LIMCH1: variants seen among roughly 807,000 people sequenced by gnomAD.
The protein encoded by LIMCH1 is LIM and calponin homology domains 1.
Under a neutral mutation model 176.5 loss-of-function variants are expected in LIMCH1, and 113 were observed. The observed-to-expected ratio is 0.64, with a 90% CI of 0.55 to 0.75. The LOEUF (loss-of-function observed/expected upper bound fraction) is 0.75, where lower values mean the gene tolerates loss of function less well. LIMCH1 is among the 30% of genes least tolerant of loss of function. The pLI, the probability that LIMCH1 is intolerant of heterozygous loss-of-function variation, is 0.00. For missense variants in LIMCH1, 1,674 were observed against 1,814.9 expected (o/e 0.92, Z 1.41); for synonymous variants, 619 against 645.9 (o/e 0.96, Z 0.63).
chr4:41,359,665 G>A (rs1034842148), upstream of LIMCH1: 1 of 152,234 alleles, frequency 6.6e-6, no homozygotes, highest in Non-Finnish European at 1.5e-5. Context: ...CTGGGAGGTT[G>A]AGTGGGACAA....
Position 41,540,643 on chromosome 4 carries a change from G to T in LIMCH1, c.-241+2293G>T, listed in dbSNP as rs368271088. Among the ~76,000 whole-genome samples, 9 of 152,268 alleles carry T rather than the reference G, an allele frequency of 5.9e-5. No individual in the cohort carries two copies. In the South Asian group the frequency reaches 1.9e-3, roughly 32 times the overall value. On this transcript the variant is annotated intron_variant, in intron 1 of 31. Coordinates refer to ENST00000503057, the MANE Select transcript of LIMCH1 (RefSeq NM_001330672.2). ...AATCCCAGCTATTCAGGAGGCTGAG[G>T]CAGGAGAATCGCTTGAACCCGGGAG...
At chr4:41,688,310 C>T (rs781237377) in intron 29 of LIMCH1, among the ~76,000 whole-genome samples, 2 of 152,194 alleles carry the variant, frequency 1.3e-5, no homozygotes, top group South Asian at 4.1e-4. Context: ...GGCTGACAAA[C>T]GAAACTTCAT....
chr4:41,621,781 TAGTC>T (rs1188637578), intron 7 of LIMCH1, among the ~76,000 whole-genome samples: 2 of 152,184 alleles, frequency 1.3e-5, no homozygotes, highest in African/African-American at 4.8e-5. Context: ...GGATCGTTGA[TAGTC>T]AGTGACTTGC....
chr4:41,532,583 G>A (rs1304904527), intron 3 of LIMCH1, among the ~76,000 whole-genome samples: 2 of 152,214 alleles, frequency 1.3e-5, no homozygotes, highest in Non-Finnish European at 2.9e-5. Context: ...TGTGTCAGAT[G>A]GCAAGAGCCA....
At chr4:41,612,586 T>A (rs773068141) in intron 4 of LIMCH1, 1 of 702,616 alleles carries the variant, frequency 1.4e-6, no homozygotes, top group South Asian at 1.5e-5. Flanking sequence ...GGAACAAGGC[T>A]TTTATTATAA....
intron 1 of LIMCH1, among the ~76,000 whole-genome samples, chr4:41,579,048 GA>G (rs1456103946): frequency 5.3e-5 from 7 of 132,534 alleles, no homozygotes; most frequent in Admixed American, 4.9e-4. Context: ...AAAAATGTGT[GA>G]TTTTTTTTTT....
At chr4:41,570,027 C>T (rs983767069) in intron 1 of LIMCH1, among the ~76,000 whole-genome samples, 2 of 152,252 alleles carry the variant, frequency 1.3e-5, no homozygotes, top group African/African-American at 2.4e-5. Context: ...GAGGGTCTGC[C>T]CAGCATGAAC....
At chr4:41,613,334 G>T (rs1446551993) in intron 4 of LIMCH1, 132 bp from the exon 5 acceptor site, 1 of 831,272 alleles carries the variant, frequency 1.2e-6, no homozygotes, top group Non-Finnish European at 1.9e-6. Context: ...GATTGATCCT[G>T]TAACTGGTTT....
At chr4:41,513,269 C>A (rs2152366344) in intron 2 of LIMCH1, among the ~76,000 whole-genome samples, 1 of 152,324 alleles carries the variant, frequency 6.6e-6, no homozygotes. Context: ...ACTTAAAACT[C>A]TTCTTCTGCC....
At chr4:41,397,474 G>A (rs193152078) in intron 1 of LIMCH1, among the ~76,000 whole-genome samples, 12 of 152,032 alleles carry the variant, frequency 7.9e-5, no homozygotes, top group Non-Finnish European at 1.5e-4. Context: ...TACATGCAGT[G>A]TTTTTCAGTA....
Position 41,410,524 on chromosome 4 carries a change from G to T in LIMCH1, c.96+49588G>T, listed in dbSNP as rs2059386966. The stretch of plus-strand genomic sequence containing the variant: ...TTCTTTGCTCTCCCCTAAAGGATCT[G>T]CCCTCAAACCACTTTACATCTCGAC... On this transcript the variant is annotated intron_variant, in intron 1 of 26. Transcript: ENST00000313860. Among the ~76,000 whole-genome samples the T allele has an allele frequency of 2.0e-5, 3 of 152,072 alleles. No homozygotes were observed. The South Asian group carries it at 6.2e-4, about 31-fold the overall frequency.
chr4:41,588,530 C>T (rs1219132101), intron 1 of LIMCH1, among the ~76,000 whole-genome samples: 1 of 152,162 alleles, frequency 6.6e-6, no homozygotes, highest in Non-Finnish European at 1.5e-5. Context: ...GGGAGCCAAG[C>T]ATTAGGGACT....
intron 13 of LIMCH1, among the ~76,000 whole-genome samples, chr4:41,636,952 C>G (rs929344477): frequency 6.6e-6 from 1 of 152,146 alleles, no homozygotes; most frequent in Non-Finnish European, 1.5e-5. Context: ...CTGTATATAG[C>G]TTAAACTTCA....
At chr4:41,551,991 A>G (rs2080503738) in intron 1 of LIMCH1, among the ~76,000 whole-genome samples, 1 of 152,220 alleles carries the variant, frequency 6.6e-6, no homozygotes, top group African/African-American at 2.4e-5. Flanking sequence ...GGTTTAATGG[A>G]CGAACAGTTC....
At chr4:41,530,794 TA>T (rs386399906) in intron 3 of LIMCH1, among the ~76,000 whole-genome samples, 439 of 30,056 alleles carry the variant, frequency 0.015, no homozygotes, top group Non-Finnish European at 0.016. Flanking sequence ...AAACCCCGCC[TA>T]AAAAAAAAAA....
chr4:41,677,080 T>C (rs369904985), intron 23 of LIMCH1, among the ~76,000 whole-genome samples: 1 of 151,880 alleles, frequency 6.6e-6, no homozygotes, highest in Non-Finnish European at 1.5e-5. Flanking sequence ...GAAGAATCGC[T>C]TGAACTCAGA....
chr4:41,469,774 C>G (rs533871676), intron 1 of LIMCH1, among the ~76,000 whole-genome samples: 2 of 151,898 alleles, frequency 1.3e-5, no homozygotes, highest in African/African-American at 2.4e-5. Context: ...CTCTGCCTCC[C>G]GGGTTCAAGC....
Position 41,648,768 on chromosome 4 carries a change from A to C in LIMCH1, c.2821-1625A>C, listed in dbSNP as rs146170836. 1.8e-4 allele frequency among the ~76,000 whole-genome samples: 28 copies of C among 151,506 alleles called. No individual in the cohort carries two copies. In the East Asian group the frequency reaches 5.4e-3, roughly 29 times the overall value. ...TCCAGTACAACAGAATTAAGAATAA[A>C]GGAAGATCAAGAGAAATAGTTTAAG... On this transcript the variant is annotated intron_variant, in intron 17 of 31. Coordinates refer to ENST00000503057, the MANE Select transcript of LIMCH1 (RefSeq NM_001330672.2).
At chr4:41,597,191 T>C (rs1204872700) in intron 1 of LIMCH1, among the ~76,000 whole-genome samples, 1 of 152,166 alleles carries the variant, frequency 6.6e-6, no homozygotes, top group Non-Finnish European at 1.5e-5. Context: ...TCAGATTTTA[T>C]GCTTCAGTTC....
Sources: allele counts gnomAD v4.1 joint callset (sites outside exome capture counted in the v4.1 genomes callset), GRCh38; gene constraint gnomAD v4.1.1; transcripts MANE v1.5; gene names NCBI Gene and HGNC (gene_info 2026-07-23, HGNC 2026-07-21).